Variants in KDM2A observed in about 807,000 individuals in gnomAD.
KDM2A encodes the protein lysine demethylase 2A.
In KDM2A, 3 loss-of-function variants were observed where a neutral mutation model predicts 137.3. The ratio of observed to expected loss-of-function variants is 0.02; its 90% CI spans 0.01 to 0.06. KDM2A has a LOEUF of 0.06. KDM2A is among the 10% of genes least tolerant of loss of function. The probability of loss-of-function intolerance (pLI) is 1.00; values close to 1 mark genes in which losing one functional copy is unlikely to be tolerated. For missense variants in KDM2A, 738 were observed against 1,510.6 expected, an observed-to-expected ratio of 0.49 and a Z score of 8.48; for synonymous variants, 512 against 541.5, an observed-to-expected ratio of 0.95 and a Z score of 0.76.
At chr11:67,200,617 ATCCT>A (rs1313453441) in intron 5 of KDM2A, among the ~76,000 whole-genome samples, 1 of 151,992 alleles carries the variant, frequency 6.6e-6, no homozygotes, top group African/African-American at 2.4e-5. Context: ...GGCTCAGGTG[ATCCT>A]TCCACCTCAG....
chr11:67,205,922 C>T (rs1857792190), intron 5 of KDM2A, among the ~76,000 whole-genome samples: 2 of 152,124 alleles, frequency 1.3e-5, no homozygotes, highest in African/African-American at 4.8e-5. Context: ...ATTCTTCTCC[C>T]TCTTTTCCTA....
rs950918992 is a variant in KDM2A at position 67,119,571 on chromosome 11, G to A, written c.-562G>A. On this transcript the variant is annotated 5_prime_UTR_variant, in exon 1 of 21. Transcript: ENST00000529006. The stretch of plus-strand genomic sequence containing the variant: ...GGGGAGCCAGGGCCCCCATCCCGGC[G>A]CGCCGCGCCGCTCCCGCCCTGTCCG... The A allele has an allele frequency of 6.6e-6, 1 of 150,760 alleles. No homozygotes were observed. Among genetic ancestry groups the A allele is most frequent in the Non-Finnish European group, 1.5e-5 (1 of 67,570 alleles). 9.3% of individuals were successfully genotyped at this position (150,760 alleles called of 1,614,324 possible). A position where few individuals can be genotyped will look rare whatever the true frequency, so the allele number is the denominator to read the frequency against.
At chr11:67,207,822 T>A in intron 6 of KDM2A, 134 bp downstream of exon 6, 2 of 604,294 alleles carry the variant, frequency 3.3e-6, no homozygotes, top group Non-Finnish European at 2.7e-6. Flanking sequence ...CTGAGGAGTT[T>A]GAGAGCAGCC....
rs954735505 is a variant in KDM2A, at chr11:67,195,229, C to T, written c.308-12281C>T. Among the ~76,000 whole-genome samples, 17 of 151,792 alleles carry T rather than the reference C, an allele frequency of 1.1e-4. 1 individual carries two copies. Among genetic ancestry groups the T allele is most frequent in the African/African-American group, 4.8e-5 (2 of 41,292 alleles). ...AAAGTTGCATAACAAATTAGCCGGGCGTGGTGGCGCATGCCTATAGTCCCA... is the reference window on the plus strand; with the variant it reads ...AAAGTTGCATAACAAATTAGCCGGGTGTGGTGGCGCATGCCTATAGTCCCA... On this transcript the variant is annotated intron_variant, in intron 5 of 20. Transcript: ENST00000529006.
intron 15 of KDM2A, 132 bp downstream of exon 15, chr11:67,246,248 G>A: frequency 1.1e-6 from 1 of 944,160 alleles, no homozygotes; most frequent in Non-Finnish European, 1.7e-6. Flanking sequence ...ATAATGCAGT[G>A]GTCTAACATC....
intron 5 of KDM2A, among the ~76,000 whole-genome samples, chr11:67,197,782 A>G (rs755302902): frequency 1.3e-5 from 2 of 152,208 alleles, no homozygotes; most frequent in Non-Finnish European, 2.9e-5. Flanking sequence ...TGCTTAGAAC[A>G]GTGTCTGGCA....
chr11:67,187,394 C>G (rs1049066524), intron 5 of KDM2A, among the ~76,000 whole-genome samples: 5 of 152,038 alleles, frequency 3.3e-5, no homozygotes, highest in Admixed American at 1.3e-4. Context: ...CAACTATATG[C>G]TGTCCACAAG....
chr11:67,123,552 T>G (rs1235172061), intron 2 of KDM2A, among the ~76,000 whole-genome samples: 1 of 152,168 alleles, frequency 6.6e-6, no homozygotes, highest in Non-Finnish European at 1.5e-5. Flanking sequence ...GCCATAAAAC[T>G]CCTTTCCCAG....
intron 10 of KDM2A, among the ~76,000 whole-genome samples, chr11:67,220,899 T>G (rs1858325255): frequency 6.6e-6 from 1 of 151,902 alleles, no homozygotes; most frequent in South Asian, 2.1e-4. Context: ...TTAAAAAATG[T>G]AAAAAACGAT....
At chr11:67,218,665 C>T (rs1370616633) in intron 9 of KDM2A, among the ~76,000 whole-genome samples, 2 of 152,004 alleles carry the variant, frequency 1.3e-5, no homozygotes, top group East Asian at 1.9e-4. Context: ...AGTGCAGTAG[C>T]GTGATCTTGG....
chr11:67,169,515 G>T (rs1210492145), intron 2 of KDM2A, among the ~76,000 whole-genome samples: 1 of 150,882 alleles, frequency 6.6e-6, no homozygotes, highest in African/African-American at 2.4e-5. Flanking sequence ...GAGTAGCTGG[G>T]ATTACGGGCC....
intron 2 of KDM2A, among the ~76,000 whole-genome samples, chr11:67,133,041 G>A (rs769453447): frequency 2.0e-5 from 3 of 152,122 alleles, no homozygotes; most frequent in South Asian, 2.1e-4. Context: ...ACTTAATTGG[G>A]GATGTTGAGC....
chr11:67,222,896 G>A (rs188370930), intron 10 of KDM2A, among the ~76,000 whole-genome samples: 4 of 149,716 alleles, frequency 2.7e-5, no homozygotes, highest in Admixed American at 2.7e-4. Flanking sequence ...GAAAAATAAG[G>A]GGGAAAAAAA....
At chr11:67,126,927 T>C (rs1450754217) in intron 2 of KDM2A, among the ~76,000 whole-genome samples, 1 of 152,100 alleles carries the variant, frequency 6.6e-6, no homozygotes, top group Non-Finnish European at 1.5e-5. Flanking sequence ...AAGTAAGACT[T>C]AATTTTTTTT....
At chr11:67,219,617 T>A (rs910475375) in intron 10 of KDM2A, 16 of 251,540 alleles carry the variant, frequency 6.4e-5, no homozygotes, top group Non-Finnish European at 1.1e-4. Flanking sequence ...TGCAGTGGCG[T>A]GATCATGGAT....
intron 8 of KDM2A, 102 bp downstream of exon 8, chr11:67,216,051 G>T: frequency 2.3e-6 from 2 of 874,406 alleles, no homozygotes; most frequent in Non-Finnish European, 3.9e-6. Flanking sequence ...ATCTGTTAGG[G>T]AATTGTCCCC....
rs759129353 is a variant in KDM2A, at chr11:67,231,620, G to C, written c.1139G>C (p.Arg380Pro). The C allele has an allele frequency of 6.1e-5, 99 of 1,611,796 alleles. 2 individuals are homozygous for C. The South Asian group carries it at 7.4e-4, about 12-fold the overall frequency. Residue 380 changes from arginine to proline, a missense_variant, in exon 12 of 21, where the codon CGA becomes CCA. Transcript: ENST00000529006. ...AATGGGGATGAGGAAGCAGTGGATC[G>C]AGAACCCCGACGCTTGAGCAGCAGG... ...SGNGDEEAVD[R>P]EPRRLSSRRS...
intron 6 of KDM2A, 77 bp downstream of exon 6, chr11:67,207,765 T>G: frequency 8.1e-7 from 1 of 1,232,212 alleles, no homozygotes; most frequent in Non-Finnish European, 1.1e-6. Context: ...TAACTGATGC[T>G]TGTTATCCCA....
At chr11:67,253,089 T>A (rs1859486745) in intron 18 of KDM2A, among the ~76,000 whole-genome samples, 1 of 152,192 alleles carries the variant, frequency 6.6e-6, no homozygotes, top group Admixed American at 6.5e-5. Flanking sequence ...GAGAACGGAA[T>A]CAGTGTTGCT....
Sources: gnomAD v4.1 joint callset for allele counts (sites outside exome capture counted in the v4.1 genomes callset) on GRCh38, gnomAD v4.1.1 for gene constraint, MANE v1.5 for transcripts, NCBI Gene and HGNC (gene_info 2026-07-23, HGNC 2026-07-21) for gene names.